The following DGKB variants were observed in gnomAD, a reference collection of about 807,000 sequenced individuals.
DGKB encodes the protein diacylglycerol kinase beta.
In DGKB, 67 loss-of-function variants were observed where a neutral mutation model predicts 114.3. The observed-to-expected ratio is 0.59, with a 90% confidence interval of 0.48 to 0.72. The LOEUF (loss-of-function observed/expected upper bound fraction) is 0.72. DGKB is among the 30% of genes least tolerant of loss of function. The pLI, the probability that DGKB is intolerant of heterozygous loss-of-function variation, is 0.00. For synonymous variants in DGKB, 398 were observed against 323.1 expected, an observed-to-expected ratio of 1.23 and a Z score of -2.49; for missense variants, 907 against 975.2, an observed-to-expected ratio of 0.93 and a Z score of 0.93.
chr7:14,942,541 T>C (rs957718061), intron 1 of DGKB, among the ~76,000 whole-genome samples: 3 of 152,074 alleles, frequency 2.0e-5, no homozygotes, highest in Admixed American at 2.0e-4. Flanking sequence ...TAGTGAGATA[T>C]ATTCTAACAG....
intron 20 of DGKB, among the ~76,000 whole-genome samples, chr7:14,513,565 AATG>A: frequency 6.6e-6 from 1 of 152,038 alleles, no homozygotes; most frequent in Non-Finnish European, 1.5e-5. Flanking sequence ...ATGTCAACAG[AATG>A]ATTTTATTAA....
chr7:14,751,954 C>T (rs1482289682), intron 4 of DGKB, among the ~76,000 whole-genome samples: 1 of 152,106 alleles, frequency 6.6e-6, no homozygotes. Context: ...AGTGGAACAC[C>T]TTTTATGTGC....
chr7:14,857,258 T>TGTGTGTG (rs1850297654), intron 1 of DGKB, among the ~76,000 whole-genome samples: 7 of 138,262 alleles, frequency 5.1e-5, no homozygotes, highest in African/African-American at 1.9e-4. Context: ...CTGTGTGTGT[T>TGTGTGTG]TGTGTGTGTG....
intron 23 of DGKB, among the ~76,000 whole-genome samples, chr7:14,193,721 T>A (rs567062419): frequency 4.2e-4 from 64 of 152,142 alleles, no homozygotes; most frequent in Non-Finnish European, 7.4e-4. Context: ...TAAAAAGCTT[T>A]TGAAGAGGAA....
chr7:14,589,669 T>G (rs981821712), intron 17 of DGKB, among the ~76,000 whole-genome samples: 21 of 152,084 alleles, frequency 1.4e-4, no homozygotes, highest in African/African-American at 5.1e-4. Context: ...TCTCTGTCCT[T>G]TAATCGGTTA....
chr7:14,337,685 TC>T (rs1436405041), intron 23 of DGKB, among the ~76,000 whole-genome samples: 2 of 152,144 alleles, frequency 1.3e-5, no homozygotes, highest in African/African-American at 4.8e-5. Flanking sequence ...TGAAATCTCT[TC>T]ATATTTTGTC....
chr7:14,628,485 T>A (rs976099213), intron 14 of DGKB, among the ~76,000 whole-genome samples: 2 of 152,154 alleles, frequency 1.3e-5, no homozygotes, highest in African/African-American at 4.8e-5. Context: ...AGTGATAAGA[T>A]TGTGATATAT....
Position 14,408,576 on chromosome 7 carries a change from C to T in DGKB, c.1836-63185G>A, listed in dbSNP as rs144033248. Among the ~76,000 whole-genome samples, 18 of 152,220 alleles carry T rather than the reference C, an allele frequency of 1.2e-4. No homozygotes were observed. In the East Asian group the frequency reaches 1.5e-3, roughly 13 times the overall value. Reference sequence around the variant, plus strand: ...GATACATTTAACAACCTTCCAAATACATAGAACAATTGCCATTTCTAAGTT... The same window carrying T: ...GATACATTTAACAACCTTCCAAATATATAGAACAATTGCCATTTCTAAGTT... On this transcript the variant is annotated intron_variant, in intron 21 of 25. Coordinates refer to ENST00000402815, the MANE Select transcript of DGKB (RefSeq NM_001350709.2).
intron 20 of DGKB, among the ~76,000 whole-genome samples, chr7:14,531,058 GA>G (rs1424791234): frequency 2.6e-5 from 4 of 151,316 alleles, no homozygotes; most frequent in Non-Finnish European, 4.4e-5. Flanking sequence ...TTCTATATTA[GA>G]AAATACACAT....
chr7:14,642,862 G>C (rs1000625693), intron 13 of DGKB, among the ~76,000 whole-genome samples: 3 of 152,076 alleles, frequency 2.0e-5, no homozygotes, highest in African/African-American at 7.2e-5. Context: ...CCTCACTTTA[G>C]AATCAGACAT....
intron 21 of DGKB, among the ~76,000 whole-genome samples, chr7:14,380,580 T>G (rs914183618): frequency 6.6e-6 from 1 of 152,192 alleles, no homozygotes; most frequent in African/African-American, 2.4e-5. Context: ...AATATATAAT[T>G]ATGTGGTTAA....
At chr7:14,601,717 A>G (rs1278110890) in intron 17 of DGKB, among the ~76,000 whole-genome samples, 3 of 152,112 alleles carry the variant, frequency 2.0e-5, no homozygotes, top group Admixed American at 6.6e-5. Context: ...ACCTCCCACA[A>G]AATAGTAGGA....
At chr7:14,335,503 G>A (rs1247924151) in intron 23 of DGKB, among the ~76,000 whole-genome samples, 1 of 152,072 alleles carries the variant, frequency 6.6e-6, no homozygotes, top group African/African-American at 2.4e-5. Flanking sequence ...ATGAGAAACA[G>A]TGTTAGTTAA....
At chr7:14,571,724 A>C (rs375027500) in intron 20 of DGKB, among the ~76,000 whole-genome samples, 8 of 152,210 alleles carry the variant, frequency 5.3e-5, no homozygotes, top group African/African-American at 1.9e-4. Context: ...AGTGATTTCT[A>C]ATTGCCTGAA....
At chr7:14,319,040 A>G (rs868667314) in intron 23 of DGKB, among the ~76,000 whole-genome samples, 10 of 151,840 alleles carry the variant, frequency 6.6e-5, no homozygotes, top group Middle Eastern at 3.4e-3. Flanking sequence ...CGCAAGAACA[A>G]AAAACCAAAC....
chr7:14,652,949 A>T (rs1326610852), intron 13 of DGKB, among the ~76,000 whole-genome samples: 6 of 151,770 alleles, frequency 4.0e-5, no homozygotes, highest in African/African-American at 1.2e-4. Flanking sequence ...TCAAAACCAT[A>T]ATGAGATACC....
intron 15 of DGKB, among the ~76,000 whole-genome samples, chr7:14,616,562 A>T (rs1475521985): frequency 6.6e-6 from 1 of 151,802 alleles, no homozygotes; most frequent in Non-Finnish European, 1.5e-5. Context: ...GAAAGATAAA[A>T]ACACAACTAT....
intron 20 of DGKB, among the ~76,000 whole-genome samples, chr7:14,567,500 AT>A (rs1400544196): frequency 1.2e-3 from 110 of 89,172 alleles, no homozygotes; most frequent in African/African-American, 4.4e-3. Context: ...ATTATATATA[AT>A]TATATAATTA....
intron 23 of DGKB, among the ~76,000 whole-genome samples, chr7:14,282,404 T>A: frequency 7.1e-6 from 1 of 140,650 alleles, no homozygotes; most frequent in Admixed American, 7.2e-5. Context: ...CAGGACCAGA[T>A]GGATTCACAG....
Sources: allele counts gnomAD v4.1 joint callset (sites outside exome capture counted in the v4.1 genomes callset), GRCh38; gene constraint gnomAD v4.1.1; transcripts MANE v1.5; gene names NCBI Gene and HGNC (gene_info 2026-07-23, HGNC 2026-07-21).